GATAD2A: variants seen among roughly 807,000 people sequenced by gnomAD.
The protein encoded by GATAD2A is GATA zinc finger domain containing 2A, also known as transcriptional repressor p66-alpha.
GATAD2A carries 12 observed loss-of-function variants against 68.5 expected under a neutral mutation model. The observed-to-expected ratio is 0.18, with a 90% CI of 0.11 to 0.28. The LOEUF (loss-of-function observed/expected upper bound fraction) is 0.28, where lower values mean the gene tolerates loss of function less well. Among genes scored for constraint, GATAD2A ranks in the 10% least tolerant of loss-of-function variants. The probability of loss-of-function intolerance (pLI) is 1.00; values close to 1 mark genes in which losing one functional copy is unlikely to be tolerated. For missense variants in GATAD2A, 755 were observed against 868.5 expected, an observed-to-expected ratio of 0.87 and a Z score of 1.64; for synonymous variants, 410 against 375.3, an observed-to-expected ratio of 1.09 and a Z score of -1.07.
At chr19:19,392,394 G>GTT (rs575233493) in intron 1 of GATAD2A, among the ~76,000 whole-genome samples, 5 of 109,690 alleles carry the variant, frequency 4.6e-5, no homozygotes, top group Non-Finnish European at 6.0e-5. Flanking sequence ...TTGTGTGTGT[G>GTT]TTTTTTTTTT....
In GATAD2A at chr19:19,465,386, C is replaced by T. The variant is rs369745941; in HGVS notation, c.41C>T (p.Ala14Val). 3.8e-5 allele frequency: 61 copies of T among 1,613,840 alleles called. No homozygotes were observed. The highest frequency in any genetic ancestry group is 2.1e-4 in the African/African-American group (16 of 75,038). ...EACRTRSQKR[A>V]LERDPTEDDV... Reference sequence around the variant, plus strand: ...TGCCGAACACGGAGTCAGAAACGAGCGCTTGAACGGGACCCAACAGAGGAC... The same window carrying T: ...TGCCGAACACGGAGTCAGAAACGAGTGCTTGAACGGGACCCAACAGAGGAC... The change falls in exon 2 of 12, where the codon GCG (alanine) becomes GTG (valine). Residue 14 changes from alanine to valine, a missense_variant. Transcript: ENST00000683918.
At position 19,470,050 on chromosome 19, in the gene GATAD2A, A is replaced by G. The variant is rs139192629; in HGVS notation, c.269+4436A>G. 7.1e-3 allele frequency among the ~76,000 whole-genome samples: 1,085 copies of G among 152,300 alleles called. 14 individuals are homozygous for G. The highest frequency in any genetic ancestry group is 0.025 in the African/African-American group (1,037 of 41,568). On this transcript the variant is annotated intron_variant, in intron 2 of 11. Coordinates refer to ENST00000683918, the MANE Select transcript of GATAD2A (RefSeq NM_001384528.1). The stretch of plus-strand genomic sequence containing the variant: ...ACAAAAGGATGGAAAAAGAGGTACC[A>G]TAAGTAACCGCTTGAGAGCTGGAGT...
intron 1 of GATAD2A, among the ~76,000 whole-genome samples, chr19:19,451,846 T>C (rs1306003096): frequency 6.6e-6 from 1 of 152,198 alleles, no homozygotes; most frequent in Non-Finnish European, 1.5e-5. Flanking sequence ...AGAAAGACTT[T>C]TTTTCTTCTT....
rs747970599 is a variant in GATAD2A at position 19,501,196 on chromosome 19, G to A, written c.1283G>A (p.Arg428His). ...CAGTGCAAGACGGACTTCACGTGCC[G>A]CTGGCGGGAGGAGAAGAGCGGCGCC... ...CAQCKTDFTC[R>H]WREEKSGAIM... The change falls in exon 9 of 12, where the codon CGC becomes CAC. Residue 428 changes from arginine to histidine, a missense_variant. By Grantham distance (29) the Arg-to-His change is conservative (BLOSUM62 0). Transcript: ENST00000683918. 17 of 1,613,562 alleles carry A rather than the reference G, an allele frequency of 1.1e-5. No individual in the cohort carries two copies. Among genetic ancestry groups the A allele is most frequent in the Middle Eastern group, 1.6e-4 (1 of 6,062 alleles).
chr19:19,501,393 G>A lies in GATAD2A; in HGVS notation c.1480G>A (p.Ala494Thr). The A allele has an allele frequency of 6.2e-7, 1 of 1,604,088 alleles. No homozygotes were observed. The highest frequency in any genetic ancestry group is 8.5e-7 in the Non-Finnish European group (1 of 1,176,108). Reference protein sequence around the residue: ...PAQAKAEPTAAPHPVLKQVIK... With the variant: ...PAQAKAEPTATPHPVLKQVIK... ...ACAGGCCAAGGCCGAGCCCACCGCT[G>A]CCCCACACCCCGTGCTGAAGCAGGT... The change falls in exon 9 of 12, where the codon GCC becomes ACC. Residue 494 changes from alanine (A) to threonine (T), a missense_variant. By Grantham distance (58) the Ala-to-Thr change is moderately conservative (BLOSUM62 0). Transcript: ENST00000683918.
chr19:19,443,822 A>G (rs990213189), intron 1 of GATAD2A, among the ~76,000 whole-genome samples: 1 of 152,022 alleles, frequency 6.6e-6, no homozygotes, highest in African/African-American at 2.4e-5. Flanking sequence ...AAGCTGAGGT[A>G]GAGGCCACTT....
intron 1 of GATAD2A, among the ~76,000 whole-genome samples, chr19:19,441,024 T>C: frequency 7.1e-6 from 1 of 140,844 alleles, no homozygotes; most frequent in African/African-American, 2.6e-5. Context: ...TTCCTTCCCT[T>C]CCTTCCCTTC....
At chr19:19,395,565 C>T (rs929262631) in intron 1 of GATAD2A, among the ~76,000 whole-genome samples, 25 of 152,140 alleles carry the variant, frequency 1.6e-4, no homozygotes, top group Non-Finnish European at 1.9e-4. Context: ...GGGGTCTCAA[C>T]TAATACACCC....
At chr19:19,479,417 A>T (rs1284134451) in intron 2 of GATAD2A, among the ~76,000 whole-genome samples, 2 of 152,186 alleles carry the variant, frequency 1.3e-5, no homozygotes, top group Admixed American at 1.3e-4. Flanking sequence ...TTCATACTTT[A>T]TTCTGATTTC....
intron 2 of GATAD2A, among the ~76,000 whole-genome samples, chr19:19,484,928 A>C (rs2059333093): frequency 6.6e-6 from 1 of 152,220 alleles, no homozygotes; most frequent in Non-Finnish European, 1.5e-5. Flanking sequence ...ACTTCACTCC[A>C]GGTGCTGCCT....
intron 1 of GATAD2A, chr19:19,436,174 G>A: frequency 7.3e-7 from 1 of 1,366,374 alleles, no homozygotes; most frequent in South Asian, 1.1e-5. Context: ...ATGTCACTGT[G>A]GCCATGGCCA....
chr19:19,487,499 G>T (rs183005634), intron 2 of GATAD2A, among the ~76,000 whole-genome samples: 75 of 152,158 alleles, frequency 4.9e-4, no homozygotes, highest in Admixed American at 1.3e-3. Context: ...GGCCGAGGGT[G>T]GGTGGGCCAG....
chr19:19,468,244 C>A (rs756082354), intron 2 of GATAD2A, among the ~76,000 whole-genome samples: 31 of 152,204 alleles, frequency 2.0e-4, no homozygotes, highest in South Asian at 6.2e-4. Flanking sequence ...GCTTTGAGGA[C>A]CAACAGCTTC....
In GATAD2A at chr19:19,492,798, G is replaced by A. The variant is rs2059890682; in HGVS notation, c.534+86G>A. The A allele has an allele frequency of 5.0e-6, 7 of 1,393,734 alleles. No homozygotes were observed. In the South Asian group the frequency reaches 8.4e-5, roughly 17 times the overall value. 86.3% of individuals were successfully genotyped at this position (1,393,734 alleles called of 1,614,324 possible). On this transcript the variant is annotated intron_variant, in intron 4 of 11. Transcript: ENST00000683918. The stretch of plus-strand genomic sequence containing the variant: ...CCTCATCAATGTCAGCGGCCAGAAA[G>A]GTGAAAGGGCTTCCTTGAGGGAGTA...
At chr19:19,455,925 C>T (rs886924139) in intron 1 of GATAD2A, among the ~76,000 whole-genome samples, 25 of 151,870 alleles carry the variant, frequency 1.6e-4, no homozygotes, top group Non-Finnish European at 2.9e-4. Flanking sequence ...CTGAGGCAGG[C>T]GGATCACGAG....
chr19:19,484,537 T>TC (rs1568326518), intron 2 of GATAD2A, among the ~76,000 whole-genome samples: 3 of 141,382 alleles, frequency 2.1e-5, no homozygotes, highest in Non-Finnish European at 4.7e-5. Context: ...TTTTTCTTTT[T>TC]TTTTTTTTTT....
Position 19,444,872 on chromosome 19 carries a change from T to TAAA in GATAD2A, c.-6-20452_-6-20450dup, listed in dbSNP as rs10641522. 4.5e-3 allele frequency among the ~76,000 whole-genome samples: 554 copies of TAAA among 123,132 alleles called. 2 individuals are homozygous for TAAA. Among genetic ancestry groups the TAAA allele is most frequent in the Non-Finnish European group, 6.0e-3 (369 of 61,816 alleles). 80.8% of individuals were successfully genotyped at this position (123,132 alleles called of 152,430 possible). On this transcript the variant is annotated intron_variant, in intron 1 of 11. Coordinates refer to ENST00000683918, the MANE Select transcript of GATAD2A (RefSeq NM_001384528.1). ...GACAACAGAGTGAGACCTCGTCCCT[T>TAAA]AAAAAAAAAAAAAAAAAAGCCACCA...
At chr19:19,503,231 G>A (rs1034072765) in intron 11 of GATAD2A, among the ~76,000 whole-genome samples, 8 of 152,208 alleles carry the variant, frequency 5.3e-5, no homozygotes, top group Admixed American at 5.2e-4. Context: ...TTAAGGAGAT[G>A]GGCACCCTCT....
intron 1 of GATAD2A, chr19:19,436,258 C>T: frequency 1.8e-6 from 2 of 1,105,974 alleles, no homozygotes; most frequent in Non-Finnish European, 2.6e-6. Flanking sequence ...AAGGAAGGTT[C>T]CACGCATCCA....
Sources: gnomAD v4.1 joint callset for allele counts (sites outside exome capture counted in the v4.1 genomes callset) on GRCh38, gnomAD v4.1.1 for gene constraint, MANE v1.5 for transcripts, NCBI Gene and HGNC (gene_info 2026-07-23, HGNC 2026-07-21) for gene names.